Variants in TENT4A observed in about 807,000 individuals in gnomAD.
The protein encoded by TENT4A is terminal nucleotidyltransferase 4A.
TENT4A carries 7 observed loss-of-function variants against 72.8 expected under a neutral mutation model. The observed-to-expected ratio is 0.10, with a 90% confidence interval of 0.05 to 0.18. The LOEUF (loss-of-function observed/expected upper bound fraction) is 0.18, where lower values mean the gene tolerates loss of function less well. TENT4A is among the 10% of genes least tolerant of loss of function. The pLI is 1.00. For synonymous variants in TENT4A, 456 were observed against 434.3 expected, an observed-to-expected ratio of 1.05 and a Z score of -0.62; for missense variants, 831 against 1,017.7, an observed-to-expected ratio of 0.82 and a Z score of 2.50.
chr5:6,737,645 C>T lies in TENT4A; in HGVS notation c.840+12C>T. 6.2e-7 allele frequency: 1 copy of T among 1,611,174 alleles called. No individual in the cohort carries two copies. The highest frequency in any genetic ancestry group is 8.5e-7 in the Non-Finnish European group (1 of 1,179,226). ...GGCCGACGGCTGATGTGAGTATGTT[C>T]TTTGGAGTTCTGTGTCGCACGTCAC... On this transcript the variant is annotated intron_variant, in intron 2 of 12. Transcript: ENST00000230859.
chr5:6,736,926 C>T (rs1283340888), intron 1 of TENT4A, among the ~76,000 whole-genome samples: 2 of 152,252 alleles, frequency 1.3e-5, no homozygotes, highest in Non-Finnish European at 2.9e-5. Flanking sequence ...CTGTTTCTCT[C>T]TGCTGAGACT....
Position 6,754,069 on chromosome 5 carries a change from G to A in TENT4A, c.2185-682G>A, listed in dbSNP as rs533702147. Among the ~76,000 whole-genome samples, 4 of 152,330 alleles carry A rather than the reference G, an allele frequency of 2.6e-5. No individual in the cohort carries two copies. The East Asian group carries it at 5.8e-4, about 22-fold the overall frequency. On this transcript the variant is annotated intron_variant, in intron 12 of 12. Coordinates refer to ENST00000230859, the MANE Select transcript of TENT4A (RefSeq NM_006999.6). ...GCACAGGCTGCTGCATGCTGGGATCGACAGGCTGCTGAGGGCGAGAGCGCC... is the reference window on the plus strand; with the variant it reads ...GCACAGGCTGCTGCATGCTGGGATCAACAGGCTGCTGAGGGCGAGAGCGCC...
intron 1 of TENT4A, 41 bp downstream of exon 1, chr5:6,714,740 A>ATGGTCCTGGCCGGCGCCCG: frequency 2.7e-6 from 2 of 744,088 alleles, no homozygotes; most frequent in Non-Finnish European, 3.4e-6. Context: ...GGCGGGGCCC[A>ATGGTCCTGGCCGGCGCCCG]TGGTCCTGGC....
intron 9 of TENT4A, 80 bp from the exon 10 acceptor site, chr5:6,750,251 G>T (rs1422429012): frequency 9.0e-6 from 11 of 1,222,916 alleles, no homozygotes; most frequent in Non-Finnish European, 1.1e-5. Flanking sequence ...CGGCTCAGCA[G>T]AGCCCGTGAC....
At chr5:6,733,095 G>A (rs928874611) in intron 1 of TENT4A, among the ~76,000 whole-genome samples, 2 of 152,252 alleles carry the variant, frequency 1.3e-5, no homozygotes, top group African/African-American at 4.8e-5. Context: ...AGCTGAGAAT[G>A]AGATGTGTAT....
Position 6,739,804 on chromosome 5 carries a change from G to A in TENT4A, c.960G>A (p.Lys320=). The A allele has an allele frequency of 6.2e-7, 1 of 1,614,194 alleles. No individual in the cohort carries two copies. The highest frequency in any genetic ancestry group is 8.5e-7 in the Non-Finnish European group (1 of 1,180,014). ...AGCTGCTGGAGCAAGCCCTGCGGAA[G>A]CACAACGTGGCTGAGCCGTGTTCCA... is the stretch of plus-strand genomic sequence containing the variant. ...PLQLLEQALR[K]HNVAEPCSIK... is the part of the protein sequence containing the mutation. The change falls in exon 4 of 13, where the codon AAG becomes AAA. Residue 320 remains lysine, a synonymous_variant. Transcript: ENST00000230859.
Position 6,714,500 on chromosome 5 carries a change from G to A in TENT4A, c.517G>A (p.Ala173Thr). 1 of 1,186,222 alleles carries A rather than the reference G, an allele frequency of 8.4e-7. No individual in the cohort carries two copies. Among genetic ancestry groups the A allele is most frequent in the Non-Finnish European group, 1.0e-6 (1 of 958,698 alleles). 73.5% of individuals were successfully genotyped at this position (1,186,222 alleles called of 1,614,324 possible). A position where few individuals can be genotyped will look rare whatever the true frequency, so the allele number is the denominator to read the frequency against. ...CGGGCACCCCGGGCCGCGCGGCCCC[G>A]CGCCCGCCGGCTCCCCGTCGCAGCA... Reference protein sequence around the residue: ...ANGHPGPRGPAPAGSPSQHQF... With the variant: ...ANGHPGPRGPTPAGSPSQHQF... Residue 173 changes from alanine (A) to threonine (T), a missense_variant, in exon 1 of 13, where the codon GCG becomes ACG. This residue lies in a region of TENT4A where 302 missense variants were observed against 293.8 expected (regional missense o/e 1.03). Transcript: ENST00000230859.
At chr5:6,744,624 AC>A (rs1741986779) in intron 6 of TENT4A, among the ~76,000 whole-genome samples, 1 of 152,218 alleles carries the variant, frequency 6.6e-6, no homozygotes, top group Non-Finnish European at 1.5e-5. Flanking sequence ...TAGTAGAATC[AC>A]TGGGTAACTA....
chr5:6,724,947 G>T (rs1381088907), intron 1 of TENT4A, among the ~76,000 whole-genome samples: 1 of 152,220 alleles, frequency 6.6e-6, no homozygotes, highest in Non-Finnish European at 1.5e-5. Context: ...TGGAGTCCAG[G>T]TAGTCTCACT....
chr5:6,755,514 T>C lies in TENT4A; in HGVS notation c.*569T>C, dbSNP rs1742646397. 1 of 152,682 alleles carries C rather than the reference T, an allele frequency of 6.5e-6. No homozygotes were observed. 9.5% of individuals were successfully genotyped at this position (152,682 alleles called of 1,614,324 possible). On this transcript the variant is annotated 3_prime_UTR_variant, in exon 13 of 13. Transcript: ENST00000230859. ...GTTATATTTAAGGGAGGAGGGAATT[T>C]TTTTTAAACAAGCTTAGGTCCTTTC... is the stretch of plus-strand genomic sequence containing the variant.
intron 1 of TENT4A, among the ~76,000 whole-genome samples, chr5:6,729,550 G>A (rs73033393): frequency 0.023 from 3,436 of 152,340 alleles, 97 homozygotes; most frequent in African/African-American, 0.068. Flanking sequence ...CACAGCAGGC[G>A]CGGTTCCCTC....
chr5:6,744,828 C>T (rs1428650981), intron 6 of TENT4A, among the ~76,000 whole-genome samples: 1 of 152,158 alleles, frequency 6.6e-6, no homozygotes, highest in Non-Finnish European at 1.5e-5. Context: ...AAACATGGGC[C>T]TCTGTTCTTT....
At chr5:6,746,454 GAGAGC>G in intron 7 of TENT4A, 27 bp downstream of exon 7, 1 of 1,610,216 alleles carries the variant, frequency 6.2e-7, no homozygotes, top group South Asian at 1.1e-5. Flanking sequence ...CTCCACTGCT[GAGAGC>G]TGGGCCAGCC....
At chr5:6,716,095 T>A (rs1256359146) in intron 1 of TENT4A, among the ~76,000 whole-genome samples, 3 of 152,180 alleles carry the variant, frequency 2.0e-5, no homozygotes, top group Non-Finnish European at 4.4e-5. Flanking sequence ...CAGTCTTGGG[T>A]TGTACCTCTG....
At chr5:6,753,535 C>T (rs199955026) in intron 12 of TENT4A, among the ~76,000 whole-genome samples, 4 of 152,236 alleles carry the variant, frequency 2.6e-5, no homozygotes, top group East Asian at 3.9e-4. Context: ...GCCCTTGTGG[C>T]TCCTCTCAAG....
At position 6,754,168 on chromosome 5, in the gene TENT4A, TCTTA is replaced by T. The variant is rs562468038; in HGVS notation, c.2185-579_2185-576del. ...TGGGGGAAGAACATGACAGGGACCT[TCTTA>T]CTTCTGTTTTTTTGGAGACAGAATC... is the stretch of plus-strand genomic sequence containing the variant. On this transcript the variant is annotated intron_variant, in intron 12 of 12. Transcript: ENST00000230859. Among the ~76,000 whole-genome samples, 1,064 of 152,252 alleles carry T rather than the reference TCTTA, an allele frequency of 7.0e-3. 6 individuals carry two copies. The highest frequency in any genetic ancestry group is 0.013 in the Non-Finnish European group (861 of 68,022).
chr5:6,750,440 C>G lies in TENT4A; in HGVS notation c.1797C>G (p.Ser599Arg), dbSNP rs752518257. Residue 599 changes from serine (S) to arginine (R), a missense_variant, in exon 10 of 13, where the codon AGC (serine) becomes AGG (arginine). By Grantham distance (110) the Ser-to-Arg change is moderately radical. This residue lies in a region of TENT4A where 332 missense variants were observed against 324.3 expected (regional missense o/e 1.02). Transcript: ENST00000230859. ...AGCGCTTGACTTTGTCGCTGTCCAG[C>G]CCCCAGCTCCTGTCTTCAGGCTCCT... ...YGQRLTLSLS[S>R]PQLLSSGSSA... 12 of 1,611,764 alleles carry G rather than the reference C, an allele frequency of 7.4e-6. No individual in the cohort carries two copies. In the South Asian group the frequency reaches 1.3e-4, roughly 18 times the overall value.
intron 11 of TENT4A, chr5:6,751,401 G>C: frequency 1.8e-6 from 1 of 554,062 alleles, no homozygotes; most frequent in East Asian, 3.1e-5. Flanking sequence ...CGAGGACACT[G>C]TGGTTCTTGA....
intron 1 of TENT4A, among the ~76,000 whole-genome samples, chr5:6,724,201 C>T (rs1248177554): frequency 6.6e-6 from 1 of 152,226 alleles, no homozygotes; most frequent in Admixed American, 6.5e-5. Flanking sequence ...GCCTGGGCTT[C>T]TTCCCACCTC....
Sources: gnomAD v4.1 joint callset for allele counts (sites outside exome capture counted in the v4.1 genomes callset) on GRCh38, gnomAD v4.1.1 for gene constraint, gnomAD v4.1.1 regional missense constraint, MANE v1.5 for transcripts, NCBI Gene and HGNC (gene_info 2026-07-23, HGNC 2026-07-21) for gene names.